The following RAPGEF1 variants were observed in gnomAD, a reference collection of about 807,000 sequenced individuals.
RAPGEF1 encodes the protein CRK SH3-binding GNRP.
RAPGEF1 carries 33 observed loss-of-function variants against 143.3 expected under a neutral mutation model. That is an observed-to-expected ratio of 0.23 (90% CI 0.17 to 0.31). The LOEUF is 0.31. RAPGEF1 is among the 10% of genes least tolerant of loss of function. The pLI, the probability that RAPGEF1 is intolerant of heterozygous loss-of-function variation, is 1.00. For missense variants in RAPGEF1, 1,199 were observed against 1,645.4 expected (o/e 0.73, Z 4.69); for synonymous variants, 629 against 676.5 (o/e 0.93, Z 1.09).
At chr9:131,726,013 C>A (rs994133583) in intron 1 of RAPGEF1, among the ~76,000 whole-genome samples, 1 of 151,986 alleles carries the variant, frequency 6.6e-6, no homozygotes, top group Non-Finnish European at 1.5e-5. Context: ...CCCGCCTCAG[C>A]CTCCCAAAGT....
chr9:131,622,957 G>C (rs992888784), intron 10 of RAPGEF1, among the ~76,000 whole-genome samples: 8 of 152,172 alleles, frequency 5.3e-5, no homozygotes, highest in African/African-American at 1.9e-4. Flanking sequence ...TAGTAGAGAT[G>C]GGGTTTTGCC....
chr9:131,604,112 C>T (rs1956725698), intron 13 of RAPGEF1, 59 bp from the exon 14 acceptor site: 1 of 1,127,476 alleles, frequency 8.9e-7, no homozygotes, highest in African/African-American at 1.6e-5. Context: ...CCGGCCCTCA[C>T]AGCTGGCCAG....
intron 1 of RAPGEF1, among the ~76,000 whole-genome samples, chr9:131,697,839 T>A (rs1481012346): frequency 6.6e-6 from 1 of 152,172 alleles, no homozygotes; most frequent in East Asian, 1.9e-4. Flanking sequence ...GATGACAAGT[T>A]CTGGAGGGAA....
intron 4 of RAPGEF1, 86 bp from the exon 5 acceptor site, chr9:131,638,877 G>T: frequency 7.2e-7 from 1 of 1,381,848 alleles, no homozygotes; most frequent in Non-Finnish European, 9.8e-7. Flanking sequence ...TGACAAGGGT[G>T]TGTTTCTCCA....
chr9:131,682,429 T>C (rs1233995236), intron 1 of RAPGEF1, among the ~76,000 whole-genome samples: 1 of 152,226 alleles, frequency 6.6e-6, no homozygotes, highest in Non-Finnish European at 1.5e-5. Flanking sequence ...ACAAAAGCTG[T>C]GAGCCTTCTG....
intron 5 of RAPGEF1, among the ~76,000 whole-genome samples, chr9:131,634,748 TCA>T (rs1204871146): frequency 1.0e-4 from 13 of 128,910 alleles, no homozygotes; most frequent in African/African-American, 3.9e-4. Flanking sequence ...AAGAAAATGA[TCA>T]CAGAGAAGGA....
rs200860345 is a variant in RAPGEF1 at position 131,629,229 on chromosome 9, G to C, written c.766C>G (p.Arg256Gly). Reference sequence around the variant, plus strand: ...GTCTTGTTTAGGATCTCTACCTCGCGGTCTGTCAGGGGGAGCTCTGCTGGG... The same window carrying C: ...GTCTTGTTTAGGATCTCTACCTCGCCGTCTGTCAGGGGGAGCTCTGCTGGG... The part of the protein sequence containing the change: ...DGPAELPLTD[R>G]EVEILNKTTG... The change falls in exon 7 of 27, where the codon CGC becomes GGC. Residue 256 changes from arginine (R) to glycine (G), a missense_variant. Arg to Gly is a moderately radical substitution (Grantham distance 125, BLOSUM62 -2). Coordinates refer to ENST00000683357, the MANE Select transcript of RAPGEF1 (RefSeq NM_001377935.1). 1 of 1,613,866 alleles carries C rather than the reference G, an allele frequency of 6.2e-7. No homozygotes were observed. The highest frequency in any genetic ancestry group is 8.5e-7 in the Non-Finnish European group (1 of 1,179,816).
intron 12 of RAPGEF1, among the ~76,000 whole-genome samples, chr9:131,608,002 C>T (rs535480518): frequency 2.0e-5 from 3 of 152,326 alleles, no homozygotes; most frequent in African/African-American, 4.8e-5. Context: ...GTGCCTCTTC[C>T]GGGAGACGGC....
At chr9:131,665,762 G>C (rs1830334000) in intron 1 of RAPGEF1, among the ~76,000 whole-genome samples, 1 of 152,074 alleles carries the variant, frequency 6.6e-6, no homozygotes, top group African/African-American at 2.4e-5. Context: ...GGGTAATGTT[G>C]GTCTAATCCT....
At position 131,650,733 on chromosome 9, in the gene RAPGEF1, G is replaced by C; in HGVS notation, c.201+77C>G. The C allele has an allele frequency of 6.4e-7, 1 of 1,555,572 alleles. No individual in the cohort carries two copies. The highest frequency in any genetic ancestry group is 1.2e-5 in the South Asian group (1 of 82,938). ...ATGCACTGAAAGCTCAATCCCCAGG[G>C]AGGGAACATACAAATCGCACAAACT... On this transcript the variant is annotated intron_variant, in intron 2 of 26. Coordinates refer to ENST00000683357, the MANE Select transcript of RAPGEF1 (RefSeq NM_001377935.1). The surrounding 1 kb of genome is among the most constrained non-coding windows in gnomAD (Gnocchi z 4.7).
At chr9:131,700,582 A>G (rs539994899) in intron 1 of RAPGEF1, among the ~76,000 whole-genome samples, 6 of 152,380 alleles carry the variant, frequency 3.9e-5, no homozygotes, top group African/African-American at 1.2e-4. Context: ...ATGAATGAAC[A>G]TCCAATCAAT....
intron 1 of RAPGEF1, among the ~76,000 whole-genome samples, chr9:131,671,791 C>T (rs12238418): frequency 0.096 from 14,663 of 152,052 alleles, 1,066 homozygotes; most frequent in African/African-American, 0.2. Flanking sequence ...GGGAACTGGT[C>T]CTGGCCACTT....
At position 131,643,256 on chromosome 9, in the gene RAPGEF1, A is replaced by C; in HGVS notation, c.477T>G (p.Asp159Glu). 2 of 1,611,946 alleles carry C rather than the reference A, an allele frequency of 1.2e-6. No homozygotes were observed. Among genetic ancestry groups the C allele is most frequent in the Non-Finnish European group, 1.7e-6 (2 of 1,179,454 alleles). ...LEAILPLVQN[D>E]PRIQHSSALS... ...CCACTCACCTGTGCTGAATTCGAGG[A>C]TCGTTCTGCACCAGGGGTAAGATGG... The change falls in exon 4 of 27, where the codon GAT becomes GAG. Residue 159 changes from aspartate (D) to glutamate (E), a missense_variant. Around this residue, in one of 6 missense-constraint regions of RAPGEF1, gnomAD observed 613 missense variants for 710.9 expected, o/e 0.86. Coordinates refer to ENST00000683357, the MANE Select transcript of RAPGEF1 (RefSeq NM_001377935.1).
intron 22 of RAPGEF1, among the ~76,000 whole-genome samples, chr9:131,587,462 C>A (rs891604183): frequency 1.3e-5 from 2 of 152,248 alleles, no homozygotes; most frequent in African/African-American, 4.8e-5. Flanking sequence ...AACTCACGCC[C>A]TTCCCAACAC....
intron 4 of RAPGEF1, among the ~76,000 whole-genome samples, chr9:131,642,432 T>C (rs1023642614): frequency 2.0e-5 from 3 of 152,228 alleles, no homozygotes; most frequent in Admixed American, 2.0e-4. Flanking sequence ...ACAGGCATCT[T>C]TGCCCGCCAG....
rs535771709 is a variant in RAPGEF1, at chr9:131,722,358, C to T, written c.61+17412G>A. On this transcript the variant is annotated intron_variant, in intron 1 of 26. Transcript: ENST00000683357. ...CAGTGATACCTTCTCAAGAACGTGGCGATAGCCTGGAATCCTGCCAAACAG... is the reference window on the plus strand; with the variant it reads ...CAGTGATACCTTCTCAAGAACGTGGTGATAGCCTGGAATCCTGCCAAACAG... Among the ~76,000 whole-genome samples the T allele has an allele frequency of 2.0e-5, 3 of 152,288 alleles. No homozygotes were observed. The East Asian group carries it at 5.8e-4, about 29-fold the overall frequency.
rs1953905344 is a variant in RAPGEF1 at position 131,589,909 on chromosome 9, C to T, written c.2844G>A (p.Leu948=). The T allele has an allele frequency of 1.2e-6, 2 of 1,613,884 alleles. No homozygotes were observed. The highest frequency in any genetic ancestry group is 1.6e-4 in the Middle Eastern group (1 of 6,062). Residue 948 remains leucine, a synonymous_variant, in exon 19 of 27, where the codon CTG becomes CTA. Transcript: ENST00000683357. ...ACCAGAGCTCATCCACCACCCGTAC[C>T]AGCACGAAGAACGTGTTCTTGCTGA... ...KRVSKNTFFV[L]VRVVDELCLV...
chr9:131,658,541 A>C (rs931066325), intron 1 of RAPGEF1, among the ~76,000 whole-genome samples: 1 of 152,176 alleles, frequency 6.6e-6, no homozygotes, highest in African/African-American at 2.4e-5. Flanking sequence ...GGCTTATATG[A>C]GCTTACAAAC....
intron 1 of RAPGEF1, among the ~76,000 whole-genome samples, chr9:131,702,421 T>G (rs901777214): frequency 6.6e-6 from 1 of 152,200 alleles, no homozygotes; most frequent in African/African-American, 2.4e-5. Flanking sequence ...AAATTAAATT[T>G]TATAACAAAA....
Sources: allele counts gnomAD v4.1 joint callset (sites outside exome capture counted in the v4.1 genomes callset), GRCh38; gene constraint gnomAD v4.1.1; regional missense constraint gnomAD v4.1.1; non-coding constraint Gnocchi (gnomAD v3.1); transcripts MANE v1.5; gene names NCBI Gene and HGNC (gene_info 2026-07-23, HGNC 2026-07-21).